Variants in SLC17A6 observed in about 807,000 individuals in gnomAD.
SLC17A6 encodes the protein vesicular glutamate transporter 2.
Under a neutral mutation model 67.1 loss-of-function variants are expected in SLC17A6, and 35 were observed. The ratio of observed to expected loss-of-function variants is 0.52; its 90% confidence interval spans 0.40 to 0.69. The LOEUF (loss-of-function observed/expected upper bound fraction) is 0.69, where lower values mean the gene tolerates loss of function less well. Ranked by LOEUF, SLC17A6 falls within the 30% of genes least tolerant of loss-of-function variation. The probability of loss-of-function intolerance (pLI) is 0.00; values close to 1 mark genes in which losing one functional copy is unlikely to be tolerated. For missense variants in SLC17A6, 588 were observed against 723.9 expected (o/e 0.81, Z 2.15); for synonymous variants, 285 against 252.3 (o/e 1.13, Z -1.23).
intron 3 of SLC17A6, 127 bp downstream of exon 3, chr11:22,343,492 C>T: frequency 1.5e-6 from 1 of 681,434 alleles, no homozygotes; most frequent in Non-Finnish European, 2.4e-6. Context: ...CTTCTAGTCC[C>T]TTGACACACC....
At chr11:22,349,431 A>G (rs539170144) in intron 3 of SLC17A6, among the ~76,000 whole-genome samples, 1 of 152,278 alleles carries the variant, frequency 6.6e-6, no homozygotes, top group East Asian at 1.9e-4. Flanking sequence ...AATACCCTTT[A>G]CCATAAGATG....
intron 3 of SLC17A6, 63 bp downstream of exon 3, chr11:22,343,428 G>A (rs1855842253): frequency 7.1e-7 from 1 of 1,415,548 alleles, no homozygotes; most frequent in Admixed American, 2.0e-5. Context: ...AGGGGCAGCA[G>A]AAGCTGGAGC....
rs188134318 is a variant in SLC17A6 at position 22,348,185 on chromosome 11, C to A, written c.458+4820C>A. ...GATACATGATGGCAAGGTACCTTTA[C>A]AATGAAATTTAACATGTCTCTCTGA... On this transcript the variant is annotated intron_variant, in intron 3 of 11. Coordinates refer to ENST00000263160, the MANE Select transcript of SLC17A6 (RefSeq NM_020346.3). Among the ~76,000 whole-genome samples, 509 of 152,198 alleles carry A rather than the reference C, an allele frequency of 3.3e-3. 1 individual carries two copies. Among genetic ancestry groups the A allele is most frequent in the African/African-American group, 0.012 (480 of 41,546 alleles).
intron 3 of SLC17A6, among the ~76,000 whole-genome samples, chr11:22,351,282 T>A (rs1855934657): frequency 6.6e-6 from 1 of 152,124 alleles, no homozygotes; most frequent in Admixed American, 6.5e-5. Context: ...TACAGGCTTG[T>A]CATGTGGATA....
intron 3 of SLC17A6, among the ~76,000 whole-genome samples, chr11:22,345,280 A>T (rs1855864396): frequency 6.6e-6 from 1 of 151,000 alleles, no homozygotes; most frequent in Non-Finnish European, 1.5e-5. Flanking sequence ...ATGCTGACTC[A>T]GGTTCTAATT....
At position 22,341,477 on chromosome 11, in the gene SLC17A6, G is replaced by C. The variant is rs748558644; in HGVS notation, c.87-51G>C. ...TGAAAAATGGGAATGGGTCAGCATC[G>C]GGGGTACCTAAGCCGCCAAGTCCTT... On this transcript the variant is annotated intron_variant, in intron 1 of 11. Coordinates refer to ENST00000263160, the MANE Select transcript of SLC17A6 (RefSeq NM_020346.3). The C allele has an allele frequency of 7.5e-6, 12 of 1,592,434 alleles. No homozygotes were observed. In the Middle Eastern group the frequency reaches 5.4e-4, roughly 72 times the overall value.
intron 3 of SLC17A6, among the ~76,000 whole-genome samples, chr11:22,349,868 C>T (rs1855919102): frequency 6.6e-6 from 1 of 152,212 alleles, no homozygotes; most frequent in African/African-American, 2.4e-5. Context: ...ATAGATTAAA[C>T]AGCCTGAGTC....
intron 3 of SLC17A6, among the ~76,000 whole-genome samples, chr11:22,347,355 C>A (rs1046861351): frequency 8.6e-5 from 13 of 151,920 alleles, no homozygotes; most frequent in African/African-American, 3.1e-4. Flanking sequence ...CCCTTTACAC[C>A]TTAGTTTGTA....
chr11:22,377,283 G>T, intron 11 of SLC17A6, 122 bp from the exon 12 acceptor site: 2 of 764,928 alleles, frequency 2.6e-6, no homozygotes, highest in Non-Finnish European at 4.2e-6. Flanking sequence ...ACATAATCAG[G>T]ATATGGATTT....
intron 2 of SLC17A6, 80 bp from the exon 3 acceptor site, chr11:22,343,167 T>C: frequency 8.5e-7 from 1 of 1,180,174 alleles, no homozygotes; most frequent in Non-Finnish European, 1.3e-6. Context: ...GGGGGCTTTT[T>C]GGCTTGTGAA....
At chr11:22,341,389 C>T in intron 1 of SLC17A6, 139 bp from the exon 2 acceptor site, 2 of 1,287,646 alleles carry the variant, frequency 1.6e-6, no homozygotes, top group Non-Finnish European at 2.1e-6. Flanking sequence ...GGTGTCACCC[C>T]ACCACCCTAA....
At chr11:22,373,229 C>T (rs1269143087) in intron 8 of SLC17A6, among the ~76,000 whole-genome samples, 1 of 152,192 alleles carries the variant, frequency 6.6e-6, no homozygotes, top group South Asian at 2.1e-4. Context: ...GAATGAAAGT[C>T]GTTTATGTGG....
chr11:22,347,470 G>A lies in SLC17A6; in HGVS notation c.458+4105G>A, dbSNP rs954880703. On this transcript the variant is annotated intron_variant, in intron 3 of 11. Coordinates refer to ENST00000263160, the MANE Select transcript of SLC17A6 (RefSeq NM_020346.3). ...GCCTGGAACTAGGTAATTGCTTGCCGTTATTATTTAGTATTAATGAAATCT... is the reference window on the plus strand; with the variant it reads ...GCCTGGAACTAGGTAATTGCTTGCCATTATTATTTAGTATTAATGAAATCT... 1.7e-4 allele frequency among the ~76,000 whole-genome samples: 25 copies of A among 149,580 alleles called. 1 individual carries two copies. Among genetic ancestry groups the A allele is most frequent in the African/African-American group, 4.5e-4 (18 of 40,308 alleles).
chr11:22,373,518 C>A (rs976215546), intron 8 of SLC17A6, among the ~76,000 whole-genome samples: 1 of 151,668 alleles, frequency 6.6e-6, no homozygotes, highest in African/African-American at 2.4e-5. Context: ...CCTGTTGAGC[C>A]CCTGCTACAT....
chr11:22,377,893 C>A lies in SLC17A6; in HGVS notation c.*153C>A. ...AAACAAAACAAACCCATGAGGTTAC[C>A]ATCAAGTGCAATCTGTAAAATTGTG... On this transcript the variant is annotated 3_prime_UTR_variant, in exon 12 of 12. Coordinates refer to ENST00000263160, the MANE Select transcript of SLC17A6 (RefSeq NM_020346.3). 1.6e-6 allele frequency: 1 copy of A among 606,964 alleles called. No homozygotes were observed. Among genetic ancestry groups the A allele is most frequent in the Non-Finnish European group, 2.8e-6 (1 of 353,010 alleles). 37.6% of individuals were successfully genotyped at this position (606,964 alleles called of 1,614,324 possible).
chr11:22,367,292 A>T (rs1856124276), intron 7 of SLC17A6, among the ~76,000 whole-genome samples: 1 of 152,150 alleles, frequency 6.6e-6, no homozygotes, highest in Non-Finnish European at 1.5e-5. Context: ...AAAAAAAAAA[A>T]AAGTCTATCA....
intron 3 of SLC17A6, 86 bp downstream of exon 3, chr11:22,343,451 C>A: frequency 1.7e-6 from 2 of 1,190,140 alleles, no homozygotes; most frequent in Non-Finnish European, 2.4e-6. Context: ...AGACAACAGC[C>A]CAGAGGGGTT....
Position 22,378,825 on chromosome 11 carries a change from T to A in SLC17A6, c.*1085T>A, listed in dbSNP as rs1355633541. 7 of 152,084 alleles carry A rather than the reference T, an allele frequency of 4.6e-5. No homozygotes were observed. Among genetic ancestry groups the A allele is most frequent in the Admixed American group, 3.3e-4 (5 of 15,272 alleles). The allele number at this position is 152,084 out of a possible 1,614,324, so 9.4% of individuals were successfully genotyped here. On this transcript the variant is annotated 3_prime_UTR_variant, in exon 12 of 12. Transcript: ENST00000263160. ...TGTCTTAAATATATAGGACAATACATTATATTAAAATGGTCTCTCTCTATA... is the reference window on the plus strand; with the variant it reads ...TGTCTTAAATATATAGGACAATACAATATATTAAAATGGTCTCTCTCTATA...
rs1277878933 is a variant in SLC17A6, at chr11:22,353,669, A to G, written c.459-5744A>G. On this transcript the variant is annotated intron_variant, in intron 3 of 11. Coordinates refer to ENST00000263160, the MANE Select transcript of SLC17A6 (RefSeq NM_020346.3). ...ACAGAGAACTTCATTTTCATTTTTGATCTAACAATCTAATATCCATTTGTG... is the reference window on the plus strand; with the variant it reads ...ACAGAGAACTTCATTTTCATTTTTGGTCTAACAATCTAATATCCATTTGTG... Among the ~76,000 whole-genome samples the G allele has an allele frequency of 2.0e-5, 3 of 152,328 alleles. No homozygotes were observed. The East Asian group carries it at 5.8e-4, about 29-fold the overall frequency.
Sources: gnomAD v4.1 joint callset for allele counts (sites outside exome capture counted in the v4.1 genomes callset) on GRCh38, gnomAD v4.1.1 for gene constraint, MANE v1.5 for transcripts, NCBI Gene and HGNC (gene_info 2026-07-23, HGNC 2026-07-21) for gene names.